PRKCB: variants seen among roughly 807,000 people sequenced by gnomAD.
PRKCB encodes the protein protein kinase C beta, also known as protein kinase C beta type.
In PRKCB, 13 loss-of-function variants were observed where a neutral mutation model predicts 81.5. The ratio of observed to expected loss-of-function variants is 0.16; its 90% CI spans 0.10 to 0.25. The LOEUF is 0.25. Among genes scored for constraint, PRKCB ranks in the 10% least tolerant of loss-of-function variants. The pLI, the probability that PRKCB is intolerant of heterozygous loss-of-function variation, is 1.00. For missense variants in PRKCB, 509 were observed against 875.7 expected (o/e 0.58, Z 5.29); for synonymous variants, 335 against 321.4 (o/e 1.04, Z -0.45).
intron 2 of PRKCB, among the ~76,000 whole-genome samples, chr16:23,839,202 G>A (rs1962222985): frequency 6.6e-6 from 1 of 151,772 alleles, no homozygotes; most frequent in Non-Finnish European, 1.5e-5. Context: ...GAAGATAATA[G>A]GAATTTTCTG....
At chr16:24,175,164 G>A (rs779085843) in intron 12 of PRKCB, among the ~76,000 whole-genome samples, 1 of 152,042 alleles carries the variant, frequency 6.6e-6, no homozygotes, top group Non-Finnish European at 1.5e-5. Flanking sequence ...CTATTTGTCA[G>A]CAAGTCCAGG....
At position 24,009,979 on chromosome 16, in the gene PRKCB, G is replaced by A. The variant is rs143431983; in HGVS notation, c.288+21389G>A. 1.3e-4 allele frequency among the ~76,000 whole-genome samples: 20 copies of A among 152,218 alleles called. 1 individual carries two copies. In the South Asian group the frequency reaches 1.7e-3, roughly 13 times the overall value. On this transcript the variant is annotated intron_variant, in intron 3 of 16. Transcript: ENST00000643927. ...GATCATGCTACTGCACTCCAGCCTG[G>A]GTAACAGAGCAAGACTCCATCTCAA...
At chr16:23,884,271 T>A (rs1342100419) in intron 2 of PRKCB, among the ~76,000 whole-genome samples, 2 of 152,162 alleles carry the variant, frequency 1.3e-5, no homozygotes, top group African/African-American at 2.4e-5. Flanking sequence ...CCACCCCCAA[T>A]GATGAAGACA....
chr16:23,867,561 C>T (rs1962829899), intron 2 of PRKCB, among the ~76,000 whole-genome samples: 1 of 152,176 alleles, frequency 6.6e-6, no homozygotes, highest in South Asian at 2.1e-4. Flanking sequence ...ATCTACTAGA[C>T]ACTGATCCTT....
chr16:24,137,762 A>G (rs558462053), intron 9 of PRKCB, among the ~76,000 whole-genome samples: 44 of 152,220 alleles, frequency 2.9e-4, no homozygotes, highest in Non-Finnish European at 6.0e-4. Context: ...AATCTTTTCT[A>G]TAATACAACA....
At chr16:23,933,914 T>TCCAG (rs1964018797) in intron 2 of PRKCB, among the ~76,000 whole-genome samples, 1 of 128,938 alleles carries the variant, frequency 7.8e-6, no homozygotes, top group Admixed American at 8.0e-5. Flanking sequence ...CATCCATCCA[T>TCCAG]CCATCCTTCC....
At chr16:24,193,067 C>T (rs1967818317) in intron 16 of PRKCB, among the ~76,000 whole-genome samples, 2 of 152,078 alleles carry the variant, frequency 1.3e-5, no homozygotes, top group Non-Finnish European at 1.5e-5. Flanking sequence ...TCATGCGATG[C>T]TCTCACCTCA....
chr16:23,913,323 T>C (rs1176851316), intron 2 of PRKCB, among the ~76,000 whole-genome samples: 7 of 151,278 alleles, frequency 4.6e-5, no homozygotes, highest in Non-Finnish European at 8.8e-5. Context: ...TTCCTCCTAT[T>C]GGGCCCAAAT....
At chr16:23,924,246 T>G (rs914521251) in intron 2 of PRKCB, among the ~76,000 whole-genome samples, 1 of 152,074 alleles carries the variant, frequency 6.6e-6, no homozygotes, top group Non-Finnish European at 1.5e-5. Context: ...AGGTCCAAGC[T>G]TGCTTCCCCT....
intron 5 of PRKCB, among the ~76,000 whole-genome samples, chr16:24,059,109 G>A (rs1965941217): frequency 2.0e-5 from 3 of 152,180 alleles, no homozygotes; most frequent in African/African-American, 7.2e-5. Flanking sequence ...TTTAGTATAT[G>A]TTGAGATGTT....
intron 2 of PRKCB, chr16:23,869,288 G>T: frequency 3.2e-6 from 1 of 316,762 alleles, no homozygotes; most frequent in East Asian, 9.0e-5. Context: ...CTGCGTCCTG[G>T]GATGGAAAAG....
intron 2 of PRKCB, among the ~76,000 whole-genome samples, chr16:23,912,348 A>G (rs1310433648): frequency 6.6e-6 from 1 of 151,812 alleles, no homozygotes; most frequent in Non-Finnish European, 1.5e-5. Context: ...TCACCTGATC[A>G]ATGGTGAACA....
At chr16:23,913,486 A>G (rs1200653571) in intron 2 of PRKCB, among the ~76,000 whole-genome samples, 1 of 152,212 alleles carries the variant, frequency 6.6e-6, no homozygotes, top group Admixed American at 6.5e-5. Flanking sequence ...GAAAAGGCAG[A>G]CCTGGAGCTC....
intron 7 of PRKCB, 39 bp from the exon 8 acceptor site, chr16:24,112,934 G>A (rs375302170): frequency 2.7e-5 from 36 of 1,349,646 alleles, no homozygotes; most frequent in Middle Eastern, 1.8e-4. Context: ...ATACCGAGTC[G>A]AGTCATGAAA....
At chr16:23,912,289 G>C (rs1372896763) in intron 2 of PRKCB, among the ~76,000 whole-genome samples, 1 of 151,912 alleles carries the variant, frequency 6.6e-6, no homozygotes, top group Non-Finnish European at 1.5e-5. Context: ...AGCCACTTGA[G>C]GGTAGCATCT....
rs112812127 is a variant in PRKCB at position 24,118,364 on chromosome 16, T to C, written c.918+5295T>C. 4.5e-3 allele frequency among the ~76,000 whole-genome samples: 692 copies of C among 152,382 alleles called. 3 individuals are homozygous for C. The highest frequency in any genetic ancestry group is 0.016 in the African/African-American group (649 of 41,588). The stretch of plus-strand genomic sequence containing the variant: ...GCTAGCATCATGGTGGTTGTTATAA[T>C]TATTGTCTCCCCCTTCGGGATAAAT... On this transcript the variant is annotated intron_variant, in intron 8 of 16. Transcript: ENST00000643927.
chr16:24,215,156 CA>C lies in PRKCB; in HGVS notation c.*342del, dbSNP rs1251618602. On this transcript the variant is annotated 3_prime_UTR_variant, in exon 17 of 17. Coordinates refer to ENST00000643927, the MANE Select transcript of PRKCB (RefSeq NM_002738.7). ...TTTTCTGCACTGCCATATTCACCCC[CA>C]ACCATCCAATCTGTGGATAATTGGA... 9.4e-6 allele frequency: 10 copies of C among 1,062,930 alleles called. No individual in the cohort carries two copies. In the African/African-American group the frequency reaches 1.7e-4, roughly 18 times the overall value. The allele number at this position is 1,062,930 out of a possible 1,614,324, so 65.8% of individuals were successfully genotyped here.
At chr16:24,038,841 T>C (rs916512035) in intron 5 of PRKCB, among the ~76,000 whole-genome samples, 1 of 152,202 alleles carries the variant, frequency 6.6e-6, no homozygotes, top group African/African-American at 2.4e-5. Context: ...CCAAACACTG[T>C]AGCACAGTCA....
Position 24,212,249 on chromosome 16 carries a change from C to A in PRKCB, c.1864-2409C>A, listed in dbSNP as rs551681094. Reference sequence around the variant, plus strand: ...CTTTAAGGAGCATTTTTATCATGGGCAAATGGAAATAAAACACCTATTTCA... The same window carrying A: ...CTTTAAGGAGCATTTTTATCATGGGAAAATGGAAATAAAACACCTATTTCA... On this transcript the variant is annotated intron_variant, in intron 16 of 16. Coordinates refer to ENST00000643927, the MANE Select transcript of PRKCB (RefSeq NM_002738.7). 1.1e-4 allele frequency among the ~76,000 whole-genome samples: 16 copies of A among 152,014 alleles called. No individual in the cohort carries two copies. In the South Asian group the frequency reaches 2.7e-3, roughly 26 times the overall value.
Sources: gnomAD v4.1 joint callset for allele counts (sites outside exome capture counted in the v4.1 genomes callset) on GRCh38, gnomAD v4.1.1 for gene constraint, MANE v1.5 for transcripts, NCBI Gene and HGNC (gene_info 2026-07-23, HGNC 2026-07-21) for gene names.